MYO3B: variants seen among roughly 807,000 people sequenced by gnomAD.
MYO3B encodes myosin IIIB, also known as myosin-IIIb.
A neutral mutation model predicts 174.6 loss-of-function variants in MYO3B; 156 were observed. The ratio of observed to expected loss-of-function variants is 0.89; its 90% CI spans 0.78 to 1.02. The LOEUF (loss-of-function observed/expected upper bound fraction) is 1.02. Among genes scored for constraint, MYO3B ranks in the 50% least tolerant of loss-of-function variants. The pLI is 0.00. For synonymous variants in MYO3B, 563 were observed against 569.1 expected (o/e 0.99, Z 0.15); for missense variants, 1,632 against 1,639.4 (o/e 1.00, Z 0.08).
intron 7 of MYO3B, 136 bp downstream of exon 7, chr2:170,236,272 A>T: frequency 2.6e-5 from 28 of 1,061,234 alleles, no homozygotes; most frequent in East Asian, 5.3e-5. Flanking sequence ...TCTTTGAAAA[A>T]GCAAGGGGGG....
At chr2:170,485,587 C>T (rs987583193) in intron 25 of MYO3B, among the ~76,000 whole-genome samples, 1 of 152,162 alleles carries the variant, frequency 6.6e-6, no homozygotes, top group African/African-American at 2.4e-5. Flanking sequence ...TTTCAACCCC[C>T]TCATTGACAT....
At chr2:170,363,952 A>T (rs1016965362) in intron 8 of MYO3B, among the ~76,000 whole-genome samples, 2 of 152,186 alleles carry the variant, frequency 1.3e-5, no homozygotes, top group African/African-American at 4.8e-5. Flanking sequence ...ATTTGGGGAA[A>T]AGTAGTGTAT....
intron 30 of MYO3B, among the ~76,000 whole-genome samples, chr2:170,526,509 A>G (rs1371898289): frequency 6.6e-6 from 1 of 152,214 alleles, no homozygotes; most frequent in African/African-American, 2.4e-5. Flanking sequence ...CTTTAGAGAC[A>G]AATTTTATTT....
chr2:170,257,677 C>T (rs2093315770), intron 7 of MYO3B, among the ~76,000 whole-genome samples: 1 of 151,924 alleles, frequency 6.6e-6, no homozygotes, highest in Admixed American at 6.6e-5. Context: ...ACCTAGAGAA[C>T]TAGAAAAACA....
chr2:170,358,255 A>C (rs558277093), intron 8 of MYO3B, among the ~76,000 whole-genome samples: 1 of 152,242 alleles, frequency 6.6e-6, no homozygotes, highest in Non-Finnish European at 1.5e-5. Context: ...AACATTATTT[A>C]ACAATAAAAA....
At chr2:170,286,556 C>T (rs1424810516) in intron 7 of MYO3B, among the ~76,000 whole-genome samples, 1 of 151,962 alleles carries the variant, frequency 6.6e-6, no homozygotes, top group African/African-American at 2.4e-5. Context: ...CTAATCTTGG[C>T]TTTTAATTTT....
intron 1 of MYO3B, among the ~76,000 whole-genome samples, chr2:170,195,509 C>T (rs2092589424): frequency 6.6e-6 from 1 of 152,140 alleles, no homozygotes; most frequent in Non-Finnish European, 1.5e-5. Flanking sequence ...GCCACCTCCA[C>T]CACTCAGTAA....
intron 8 of MYO3B, among the ~76,000 whole-genome samples, chr2:170,367,613 C>T (rs1293571303): frequency 1.3e-5 from 2 of 152,078 alleles, no homozygotes; most frequent in East Asian, 3.8e-4. Flanking sequence ...AGTATAACTA[C>T]CTCTTGGGTT....
intron 7 of MYO3B, among the ~76,000 whole-genome samples, chr2:170,309,877 C>A (rs1190356493): frequency 6.6e-6 from 1 of 152,122 alleles, no homozygotes; most frequent in Non-Finnish European, 1.5e-5. Flanking sequence ...ATTTTCATCA[C>A]CCCAAAAGGA....
At chr2:170,507,144 G>A (rs753968106) in intron 28 of MYO3B, among the ~76,000 whole-genome samples, 23 of 152,176 alleles carry the variant, frequency 1.5e-4, no homozygotes, top group African/African-American at 4.8e-4. Flanking sequence ...GGTGTTTTCC[G>A]TATCCACATA....
chr2:170,386,931 A>G (rs372767687), intron 13 of MYO3B, among the ~76,000 whole-genome samples, 175 bp from the exon 14 acceptor site: 2 of 152,240 alleles, frequency 1.3e-5, no homozygotes, highest in South Asian at 4.1e-4. Flanking sequence ...TCATATGCAG[A>G]TCTGGGGAGT....
At chr2:170,422,485 GTC>G (rs1180529328) in intron 22 of MYO3B, among the ~76,000 whole-genome samples, 1 of 149,236 alleles carries the variant, frequency 6.7e-6, no homozygotes, top group East Asian at 1.9e-4. Context: ...TTGAGATGGA[GTC>G]TCTCTCTGTT....
At chr2:170,439,388 A>G (rs901420518) in intron 22 of MYO3B, among the ~76,000 whole-genome samples, 12 of 144,718 alleles carry the variant, frequency 8.3e-5, no homozygotes, top group African/African-American at 3.3e-4. Context: ...AATAATAATA[A>G]TAATAATTTT....
chr2:170,481,785 C>G lies in MYO3B; in HGVS notation c.3014+15074C>G, dbSNP rs192807363. ...TTCTCTGGGAGGGTCTTTAACATTG[C>G]TCTCCTTGCATACTATCGTTTCCAT... On this transcript the variant is annotated intron_variant, in intron 25 of 34. Coordinates refer to ENST00000408978, the MANE Select transcript of MYO3B (RefSeq NM_138995.5). Among the ~76,000 whole-genome samples, 212 of 152,166 alleles carry G rather than the reference C, an allele frequency of 1.4e-3. 3 individuals are homozygous for G. Among genetic ancestry groups the G allele is most frequent in the Admixed American group, 0.012 (183 of 15,276 alleles).
At chr2:170,526,285 AT>A (rs1688990756) in intron 30 of MYO3B, among the ~76,000 whole-genome samples, 1 of 152,224 alleles carries the variant, frequency 6.6e-6, no homozygotes, top group South Asian at 2.1e-4. Flanking sequence ...CATGTAATGA[AT>A]ACTCAATAAG....
Position 170,334,903 on chromosome 2 carries a change from G to C in MYO3B, c.750-482G>C, listed in dbSNP as rs188656749. The C allele has an allele frequency of 2.7e-3, 410 of 153,272 alleles. 1 individual carries two copies. The highest frequency in any genetic ancestry group is 0.01 in the Middle Eastern group (3 of 294). 9.5% of individuals were successfully genotyped at this position (153,272 alleles called of 1,614,324 possible). A position where few individuals can be genotyped will look rare whatever the true frequency, so the allele number is the denominator to read the frequency against. The stretch of plus-strand genomic sequence containing the variant: ...TGCTTATTGCAGAAGTTGATACATA[G>C]GAGATAGTTAAAAATGTGACTATGA... On this transcript the variant is annotated intron_variant, in intron 7 of 34. Transcript: ENST00000408978.
At chr2:170,230,835 G>C (rs2093007933) in intron 6 of MYO3B, among the ~76,000 whole-genome samples, 1 of 152,118 alleles carries the variant, frequency 6.6e-6, no homozygotes, top group Admixed American at 6.5e-5. Flanking sequence ...TGCTTCGGAT[G>C]AGGCCCATGA....
At chr2:170,431,211 G>A (rs778777670) in intron 22 of MYO3B, among the ~76,000 whole-genome samples, 2 of 152,088 alleles carry the variant, frequency 1.3e-5, no homozygotes, top group African/African-American at 2.4e-5. Flanking sequence ...TTATTTTCAA[G>A]CAAACTCCAC....
In MYO3B at chr2:170,543,970, G is replaced by T. The variant is rs375433750; in HGVS notation, c.3715G>T (p.Gly1239Ter). 8.7e-6 allele frequency: 14 copies of T among 1,612,730 alleles called. No homozygotes were observed. Among genetic ancestry groups the T allele is most frequent in the Non-Finnish European group, 1.2e-5 (14 of 1,179,044 alleles). The change falls in exon 32 of 35, where the codon GGA (glycine) becomes TGA (stop). Residue 1239 changes from glycine to a stop codon, truncating the protein, a stop_gained. Transcript: ENST00000408978. LOFTEE classifies it high-confidence loss of function. ...APDQQGLSLW[G>*]APQKPGSENG... Reference sequence around the variant, plus strand: ...AGATCAGCAAGGATTGAGTCTCTGGGGAGCCCCTCAAAAGCCTGGTAAGAA... The same window carrying T: ...AGATCAGCAAGGATTGAGTCTCTGGTGAGCCCCTCAAAAGCCTGGTAAGAA...
Sources: gnomAD v4.1 joint callset for allele counts (sites outside exome capture counted in the v4.1 genomes callset) on GRCh38, gnomAD v4.1.1 for gene constraint, MANE v1.5 for transcripts, NCBI Gene and HGNC (gene_info 2026-07-23, HGNC 2026-07-21) for gene names.